KDM2A: variants seen among roughly 807,000 people sequenced by gnomAD.
KDM2A encodes the protein lysine-specific demethylase 2A.
Under a neutral mutation model 137.3 loss-of-function variants are expected in KDM2A, and 3 were observed. The ratio of observed to expected loss-of-function variants is 0.02; its 90% CI spans 0.01 to 0.06. KDM2A has a LOEUF of 0.06. KDM2A is among the 10% of genes least tolerant of loss of function. The probability of loss-of-function intolerance (pLI) is 1.00; values close to 1 mark genes in which losing one functional copy is unlikely to be tolerated. For missense variants in KDM2A, 738 were observed against 1,510.6 expected (o/e 0.49, Z 8.48); for synonymous variants, 512 against 541.5 (o/e 0.95, Z 0.76).
At position 67,254,219 on chromosome 11, in the gene KDM2A, C is replaced by T. The variant is rs760166745; in HGVS notation, c.3108C>T (p.Ser1036=). 27 of 1,613,880 alleles carry T rather than the reference C, an allele frequency of 1.7e-5. No homozygotes were observed. The Admixed American group carries it at 3.8e-4, about 23-fold the overall frequency. Residue 1036 remains serine, a synonymous_variant, in exon 20 of 21, where the codon AGC becomes AGT. Coordinates refer to ENST00000529006, the MANE Select transcript of KDM2A (RefSeq NM_012308.3). The surrounding 1 kb of genome is among the most constrained non-coding windows in gnomAD (Gnocchi z 4.7). ...PADKPGQDNR[S]KLRNMTDFRL... ...CCTGTACAGGTCAGGACAATCGCAG[C>T]AAGCTCCGGAACATGACCGACTTCC...
rs1859185413 is a variant in KDM2A, at chr11:67,245,753, A to C, written c.1834-232A>C. 1 of 604,126 alleles carries C rather than the reference A, an allele frequency of 1.7e-6. No homozygotes were observed. Among genetic ancestry groups the C allele is most frequent in the South Asian group, 2.1e-5 (1 of 47,326 alleles). 37.4% of individuals were successfully genotyped at this position (604,126 alleles called of 1,614,324 possible). ...TAGATTAGAAAGGACCGGGGAGGCC[A>C]AGTATAGGCCAACTGAAAATAAACT... On this transcript the variant is annotated intron_variant, in intron 14 of 20. Transcript: ENST00000529006. This position sits in a 1 kb window ranked among gnomAD's most constrained non-coding sequence, Gnocchi z 4.1.
chr11:67,228,727 G>A (rs1465676897), intron 11 of KDM2A, among the ~76,000 whole-genome samples: 1 of 150,794 alleles, frequency 6.6e-6, no homozygotes, highest in Non-Finnish European at 1.5e-5. Flanking sequence ...ATGATCAGTT[G>A]TCTAATATGC....
At chr11:67,199,533 G>C (rs1565400123) in intron 5 of KDM2A, among the ~76,000 whole-genome samples, 1 of 152,210 alleles carries the variant, frequency 6.6e-6, no homozygotes. Flanking sequence ...GGTTTGGATA[G>C]AAAATCAAAC....
intron 15 of KDM2A, among the ~76,000 whole-genome samples, chr11:67,246,457 C>T (rs1859209151): frequency 6.6e-6 from 1 of 152,004 alleles, no homozygotes; most frequent in Non-Finnish European, 1.5e-5. Flanking sequence ...ATCTCTGATA[C>T]ATACTTCAGT....
rs113122428 is a variant in KDM2A, at chr11:67,251,366, G to A, written c.2768+568G>A. On this transcript the variant is annotated intron_variant, in intron 17 of 20. Transcript: ENST00000529006. ...CTTCCAGCAAGCAGAGTCCAGTTTT[G>A]AAGCTTCCTTAATGAGAGCTACCAT... 3.8e-3 allele frequency among the ~76,000 whole-genome samples: 585 copies of A among 152,298 alleles called. 6 individuals are homozygous for A. The highest frequency in any genetic ancestry group is 0.014 in the African/African-American group (562 of 41,554).
chr11:67,165,445 T>C (rs909255087), intron 2 of KDM2A, among the ~76,000 whole-genome samples: 1 of 152,136 alleles, frequency 6.6e-6, no homozygotes, highest in Non-Finnish European at 1.5e-5. Context: ...CTTGATCTTA[T>C]GCCAGTTCCT....
chr11:67,215,164 C>T lies in KDM2A; in HGVS notation c.487-176C>T, dbSNP rs184779655. ...CTTTATTCTCATATAACAATTATTTCTAGGATGGTTGCCTAGTAATCCTAA... is the reference window on the plus strand; with the variant it reads ...CTTTATTCTCATATAACAATTATTTTTAGGATGGTTGCCTAGTAATCCTAA... On this transcript the variant is annotated intron_variant, in intron 6 of 20. Coordinates refer to ENST00000529006, the MANE Select transcript of KDM2A (RefSeq NM_012308.3). Among the ~76,000 whole-genome samples, 41 of 152,120 alleles carry T rather than the reference C, an allele frequency of 2.7e-4. No individual in the cohort carries two copies. The East Asian group carries it at 7.5e-3, about 28-fold the overall frequency.
At position 67,119,340 on chromosome 11, in the gene KDM2A, C is replaced by T. The variant is rs1250242151; in HGVS notation, c.-793C>T. 2.4e-5 allele frequency: 4 copies of T among 167,056 alleles called. No individual in the cohort carries two copies. The highest frequency in any genetic ancestry group is 1.9e-4 in the Admixed American group (3 of 15,396). The allele number at this position is 167,056 out of a possible 1,614,324, so 10.3% of individuals were successfully genotyped here. On this transcript the variant is annotated 5_prime_UTR_variant, in exon 1 of 21. Coordinates refer to ENST00000529006, the MANE Select transcript of KDM2A (RefSeq NM_012308.3). ...CTGTGTGAGGGAAACAACACCCCTC[C>T]CCGGCAGCGGCGGCGGCGGCGGCGG... is the stretch of plus-strand genomic sequence containing the variant.
chr11:67,182,834 G>A (rs192904328), intron 5 of KDM2A, among the ~76,000 whole-genome samples: 3 of 152,268 alleles, frequency 2.0e-5, no homozygotes, highest in African/African-American at 7.2e-5. Flanking sequence ...CACCCGGCTG[G>A]AATAAAGTCT....
chr11:67,160,808 TCATTAATAACAAGAG>T (rs1856617628), intron 2 of KDM2A, among the ~76,000 whole-genome samples: 1 of 151,930 alleles, frequency 6.6e-6, no homozygotes, highest in Non-Finnish European at 1.5e-5. Flanking sequence ...ATAGACCTTC[TCATTAATAACAAGAG>T]CTAGCGGGGC....
chr11:67,169,351 A>G (rs1472801496), intron 2 of KDM2A, among the ~76,000 whole-genome samples: 1 of 151,374 alleles, frequency 6.6e-6, no homozygotes, highest in Non-Finnish European at 1.5e-5. Context: ...TAATAGTGAC[A>G]AGATTGGTTT....
At chr11:67,147,044 C>T (rs1856265546) in intron 2 of KDM2A, among the ~76,000 whole-genome samples, 1 of 152,020 alleles carries the variant, frequency 6.6e-6, no homozygotes, top group Non-Finnish European at 1.5e-5. Flanking sequence ...TATAAATAGC[C>T]AGAAAACCTA....
chr11:67,152,875 A>G lies in KDM2A; in HGVS notation c.43-27204A>G, dbSNP rs550506601. On this transcript the variant is annotated intron_variant, in intron 2 of 20. Transcript: ENST00000529006. ...AACAAAAGCATTTTTAATTTTATAT[A>G]TCAGTGAGACTATAGGATTACAGTG... Among the ~76,000 whole-genome samples the G allele has an allele frequency of 2.0e-5, 3 of 150,344 alleles. No homozygotes were observed. The South Asian group carries it at 6.3e-4, about 32-fold the overall frequency.
chr11:67,241,916 A>AGGGT (rs1859054644), intron 12 of KDM2A, among the ~76,000 whole-genome samples: 1 of 152,092 alleles, frequency 6.6e-6, no homozygotes, highest in African/African-American at 2.4e-5. Flanking sequence ...TAAAAATACA[A>AGGGT]AAATTAGCTG....
chr11:67,246,374 G>A (rs1859205132), intron 15 of KDM2A, among the ~76,000 whole-genome samples: 1 of 152,128 alleles, frequency 6.6e-6, no homozygotes. Flanking sequence ...CTGGACTCTG[G>A]ATTGGGTATG....
intron 2 of KDM2A, among the ~76,000 whole-genome samples, chr11:67,176,089 G>A (rs773498361): frequency 1.3e-5 from 2 of 152,116 alleles, no homozygotes; most frequent in African/African-American, 2.4e-5. Flanking sequence ...TTTGGCTTTT[G>A]AACTGTGATT....
At chr11:67,164,059 T>A (rs1054545320) in intron 2 of KDM2A, among the ~76,000 whole-genome samples, 1 of 152,128 alleles carries the variant, frequency 6.6e-6, no homozygotes, top group African/African-American at 2.4e-5. Flanking sequence ...CAGCCTCTTT[T>A]TATATATAAG....
chr11:67,198,977 C>T (rs1857553518), intron 5 of KDM2A, among the ~76,000 whole-genome samples: 2 of 152,026 alleles, frequency 1.3e-5, no homozygotes, highest in Non-Finnish European at 2.9e-5. Flanking sequence ...TGGAGTTTCA[C>T]CATGTTGGCC....
At chr11:67,175,604 G>A (rs1856958970) in intron 2 of KDM2A, among the ~76,000 whole-genome samples, 1 of 152,194 alleles carries the variant, frequency 6.6e-6, no homozygotes. Flanking sequence ...TATTGAAGGT[G>A]TAAATGGAAG....
Sources: gnomAD v4.1 joint callset for allele counts (sites outside exome capture counted in the v4.1 genomes callset) on GRCh38, gnomAD v4.1.1 for gene constraint, Gnocchi (gnomAD v3.1) non-coding constraint, MANE v1.5 for transcripts, NCBI Gene and HGNC (gene_info 2026-07-23, HGNC 2026-07-21) for gene names.